ACTG2: variants seen among roughly 807,000 people sequenced by gnomAD.
ACTG2 encodes the protein actin, gamma-enteric smooth muscle.
A neutral mutation model predicts 37.6 loss-of-function variants in ACTG2; 16 were observed. The ratio of observed to expected loss-of-function variants is 0.43; its 90% CI spans 0.29 to 0.65. ACTG2 has a LOEUF of 0.65. Among genes scored for constraint, ACTG2 ranks in the 30% least tolerant of loss-of-function variants. The probability of loss-of-function intolerance (pLI) is 0.18; values close to 1 mark genes in which losing one functional copy is unlikely to be tolerated. For missense variants in ACTG2, 238 were observed against 490.9 expected (o/e 0.48, Z 4.87); for synonymous variants, 181 against 179.9 (o/e 1.01, Z -0.05).
At chr2:73,911,489 A>G (rs1479996979) in intron 5 of ACTG2, among the ~76,000 whole-genome samples, 1 of 152,144 alleles carries the variant, frequency 6.6e-6, no homozygotes, top group African/African-American at 2.4e-5. Flanking sequence ...ACTCAAAAAA[A>G]AAATAAAAAA....
At position 73,906,783 on chromosome 2, in the gene ACTG2, A is replaced by T. The variant is rs1447279910; in HGVS notation, c.256-1890A>T. Among the ~76,000 whole-genome samples the T allele has an allele frequency of 6.0e-4, 91 of 152,162 alleles. 1 individual carries two copies. The highest frequency in any genetic ancestry group is 6.0e-3 in the Admixed American group (91 of 15,270). On this transcript the variant is annotated intron_variant, in intron 3 of 8. Transcript: ENST00000345517. ...ATAAGTCACCACACTCGACCTTAAA[A>T]ATATTTTTCTAACTTTAAAAATTAT...
chr2:73,894,647 G>T (rs542831332), intron 1 of ACTG2, among the ~76,000 whole-genome samples: 1 of 151,948 alleles, frequency 6.6e-6, no homozygotes, highest in East Asian at 1.9e-4. Context: ...AGGCCAGGAG[G>T]AGCCCATCAC....
intron 2 of ACTG2, among the ~76,000 whole-genome samples, chr2:73,902,027 GTGTGTGTGTGTGTC>G (rs1421037819): frequency 3.3e-4 from 32 of 97,990 alleles, no homozygotes; most frequent in Admixed American, 7.4e-4. Context: ...TCGTGTGTGT[GTGTGTGTGTGTGTC>G]TGTGTGTGTG....
intron 3 of ACTG2, among the ~76,000 whole-genome samples, chr2:73,908,004 G>A (rs958554508): frequency 6.6e-6 from 1 of 152,252 alleles, no homozygotes; most frequent in Non-Finnish European, 1.5e-5. Context: ...TTGTTTGACA[G>A]TGTATACTCA....
intron 1 of ACTG2, among the ~76,000 whole-genome samples, chr2:73,898,644 T>A (rs943443486): frequency 5.9e-5 from 9 of 152,050 alleles, no homozygotes; most frequent in Non-Finnish European, 1.2e-4. Flanking sequence ...TCCATACCTT[T>A]GCCAGCAAGG....
Position 73,909,132 on chromosome 2 carries a change from C to T in ACTG2, c.444C>T (p.Arg148=), listed in dbSNP as rs1680075365. The change falls in exon 5 of 9, where the codon CGC becomes CGT. Residue 148 remains arginine, a synonymous_variant. Transcript: ENST00000345517. ...QAVLSLYASG[R]TTGIVLDSGD... is the part of the protein sequence containing the mutation. ...TGCTCTCCCTCTATGCCTCTGGCCG[C>T]ACGACAGGTGAGTAATCCTGTAATC... The T allele has an allele frequency of 6.2e-7, 1 of 1,612,748 alleles. No individual in the cohort carries two copies.
intron 8 of ACTG2, among the ~76,000 whole-genome samples, 165 bp downstream of exon 8, chr2:73,916,930 G>A (rs1680283367): frequency 6.6e-6 from 1 of 152,314 alleles, no homozygotes; most frequent in South Asian, 2.1e-4. Context: ...TGTTCCTTGG[G>A]CATTGATGGG....
chr2:73,894,493 A>C (rs1315278784), intron 1 of ACTG2, among the ~76,000 whole-genome samples: 2 of 152,194 alleles, frequency 1.3e-5, no homozygotes, highest in African/African-American at 4.8e-5. Context: ...CCCCTTGTTC[A>C]TTCTGCCAAC....
chr2:73,903,939 C>CAAAAAAAAAAAAAAA (rs61362643), intron 3 of ACTG2, among the ~76,000 whole-genome samples: 1 of 90,016 alleles, frequency 1.1e-5, no homozygotes, highest in Non-Finnish European at 2.1e-5. Flanking sequence ...GACTCCGTCT[C>CAAAAAAAAAAAAAAA]AAAAAAAAAA....
At chr2:73,908,408 G>A (rs1209209852) in intron 3 of ACTG2, 1 of 556,678 alleles carries the variant, frequency 1.8e-6, no homozygotes, top group Non-Finnish European at 3.5e-6. Flanking sequence ...GAGACTGTAG[G>A]AGAGTGAAGA....
rs1679873638 is a variant in ACTG2 at position 73,901,531 on chromosome 2, A to T, written c.126+94A>T. The T allele has an allele frequency of 1.8e-5, 22 of 1,202,032 alleles. No homozygotes were observed. The East Asian group carries it at 2.4e-4, about 13-fold the overall frequency. 74.5% of individuals were successfully genotyped at this position (1,202,032 alleles called of 1,614,324 possible). ...GCTGAGCTGGGGGTTAGGGGAAGGA[A>T]ATGTGTGTGTGTGTGTGTGTGTGTG... On this transcript the variant is annotated intron_variant, in intron 2 of 8. Coordinates refer to ENST00000345517, the MANE Select transcript of ACTG2 (RefSeq NM_001615.4).
intron 5 of ACTG2, among the ~76,000 whole-genome samples, chr2:73,909,703 C>A (rs546538885): frequency 6.6e-6 from 1 of 152,152 alleles, no homozygotes; most frequent in East Asian, 1.9e-4. Context: ...TATAGCTAAA[C>A]ATATTGAAAC....
intron 1 of ACTG2, among the ~76,000 whole-genome samples, chr2:73,900,283 G>A (rs1338662893): frequency 6.6e-6 from 1 of 152,192 alleles, no homozygotes; most frequent in African/African-American, 2.4e-5. Flanking sequence ...CAGGGTAGGA[G>A]GCAATCTCTG....
At chr2:73,899,783 G>A (rs1679838301) in intron 1 of ACTG2, among the ~76,000 whole-genome samples, 1 of 152,126 alleles carries the variant, frequency 6.6e-6, no homozygotes, top group African/African-American at 2.4e-5. Flanking sequence ...TGGACCTTGT[G>A]GGCTGGTTTA....
rs375149400 is a variant in ACTG2 at position 73,901,414 on chromosome 2, A to G, written c.103A>G (p.Ile35Val). ...TGCCCCCCGGGCTGTCTTCCCCTCC[A>G]TTGTGGGCCGCCCTCGCCACCAGGT... Reference protein sequence around the residue: ...DDAPRAVFPSIVGRPRHQGVM... With the variant: ...DDAPRAVFPSVVGRPRHQGVM... Residue 35 changes from isoleucine (I) to valine (V), a missense_variant, in exon 2 of 9, where the codon ATT becomes GTT. Transcript: ENST00000345517. 8.1e-6 allele frequency: 13 copies of G among 1,614,088 alleles called. No homozygotes were observed. Among genetic ancestry groups the G allele is most frequent in the Non-Finnish European group, 1.1e-5 (13 of 1,180,000 alleles).
At chr2:73,915,718 A>G (rs1680253120) in intron 7 of ACTG2, among the ~76,000 whole-genome samples, 2 of 152,146 alleles carry the variant, frequency 1.3e-5, no homozygotes, top group South Asian at 4.1e-4. Context: ...AATAAAAGGG[A>G]ATGAAGTATT....
In ACTG2 at chr2:73,913,487, A is replaced by G; in HGVS notation, c.454A>G (p.Ile152Val). 1 of 1,603,008 alleles carries G rather than the reference A, an allele frequency of 6.2e-7. No homozygotes were observed. Among genetic ancestry groups the G allele is most frequent in the Non-Finnish European group, 8.5e-7 (1 of 1,171,974 alleles). The change falls in exon 6 of 9, where the codon ATC (isoleucine) becomes GTC (valine). Residue 152 changes from isoleucine to valine, a missense_variant and splice_region_variant. Physicochemically the swap from Ile to Val is conservative, Grantham distance 29. Transcript: ENST00000345517. ...AGCCTGATCCTCTCTGTCCACAGGC[A>G]TCGTCCTGGATTCAGGTGATGGCGT... ...SLYASGRTTG[I>V]VLDSGDGVTH...
intron 1 of ACTG2, among the ~76,000 whole-genome samples, chr2:73,897,885 C>T (rs1160188464): frequency 6.6e-6 from 1 of 152,128 alleles, no homozygotes; most frequent in Admixed American, 6.5e-5. Context: ...ATAAAAAAAC[C>T]CATTCTTGAG....
In ACTG2 at chr2:73,901,924, T is replaced by C. The variant is rs558277140; in HGVS notation, c.127-436T>C. ...GAAAAGTATCACAGAAAAAGTAATA[T>C]CTGAGAATAAGAAGGATTTCAGCAG... On this transcript the variant is annotated intron_variant, in intron 2 of 8. Transcript: ENST00000345517. 4 of 193,602 alleles carry C rather than the reference T, an allele frequency of 2.1e-5. No homozygotes were observed. In the South Asian group the frequency reaches 3.9e-4, roughly 19 times the overall value. The allele number at this position is 193,602 out of a possible 1,614,324, so 12.0% of individuals were successfully genotyped here.
Sources: allele counts gnomAD v4.1 joint callset (sites outside exome capture counted in the v4.1 genomes callset), GRCh38; gene constraint gnomAD v4.1.1; transcripts MANE v1.5; gene names NCBI Gene and HGNC (gene_info 2026-07-23, HGNC 2026-07-21).